The following STXBP5 variants were observed in gnomAD, a reference collection of about 807,000 sequenced individuals.
STXBP5 encodes the protein syntaxin binding protein 5.
Under a neutral mutation model 152.4 loss-of-function variants are expected in STXBP5, and 50 were observed. The observed-to-expected ratio is 0.33, with a 90% CI of 0.26 to 0.42. The LOEUF is 0.42. STXBP5 is among the 10% of genes least tolerant of loss of function. The pLI, the probability that STXBP5 is intolerant of heterozygous loss-of-function variation, is 1.00. For synonymous variants in STXBP5, 492 were observed against 494.7 expected, an observed-to-expected ratio of 0.99 and a Z score of 0.07; for missense variants, 1,167 against 1,388.6, an observed-to-expected ratio of 0.84 and a Z score of 2.54.
chr6:147,213,475 T>TGCGCGCGCGCGCGCGCGCGCGC (rs1361174338), intron 2 of STXBP5, among the ~76,000 whole-genome samples: 4 of 132,172 alleles, frequency 3.0e-5, no homozygotes, highest in Non-Finnish European at 4.9e-5. Flanking sequence ...TGTGTGTGTG[T>TGCGCGCGCGCGCGCGCGCGCGC]GTGCGCGCGC....
chr6:147,249,898 A>G (rs1779001982), intron 4 of STXBP5, among the ~76,000 whole-genome samples: 1 of 152,222 alleles, frequency 6.6e-6, no homozygotes, highest in South Asian at 2.1e-4. Flanking sequence ...AAAGTTTTTA[A>G]AAGTATCATC....
intron 26 of STXBP5, among the ~76,000 whole-genome samples, chr6:147,376,937 C>T (rs1785838635): frequency 6.6e-6 from 1 of 152,060 alleles, no homozygotes; most frequent in Non-Finnish European, 1.5e-5. Context: ...AATGAATCAG[C>T]TGGTATAACT....
chr6:147,223,734 A>C (rs1483353834), intron 2 of STXBP5, among the ~76,000 whole-genome samples: 1 of 152,194 alleles, frequency 6.6e-6, no homozygotes, highest in Non-Finnish European at 1.5e-5. Flanking sequence ...TGACATCTGT[A>C]ATTTTTTGTT....
At chr6:147,304,601 AT>A (rs1263091741) in intron 9 of STXBP5, among the ~76,000 whole-genome samples, 1 of 152,054 alleles carries the variant, frequency 6.6e-6, no homozygotes, top group Non-Finnish European at 1.5e-5. Flanking sequence ...AGAATGGTAG[AT>A]CCACTGACAG....
intron 26 of STXBP5, among the ~76,000 whole-genome samples, chr6:147,374,137 TTTTC>T (rs1785697648): frequency 6.6e-6 from 1 of 152,220 alleles, no homozygotes; most frequent in Non-Finnish European, 1.5e-5. Flanking sequence ...AATGCTATGA[TTTTC>T]TTTAACTGAT....
intron 2 of STXBP5, among the ~76,000 whole-genome samples, chr6:147,224,534 G>C (rs1219570680): frequency 6.6e-6 from 1 of 152,202 alleles, no homozygotes; most frequent in East Asian, 1.9e-4. Flanking sequence ...GAATGCAAAT[G>C]ACGTTTCACA....
At chr6:147,235,439 A>T (rs1313105136) in intron 3 of STXBP5, 108 bp downstream of exon 3, 2 of 817,856 alleles carry the variant, frequency 2.4e-6, no homozygotes, top group Non-Finnish European at 3.9e-6. Context: ...TTGAACAAAA[A>T]TTAATTTATA....
At chr6:147,376,817 A>G (rs1004670907) in intron 26 of STXBP5, among the ~76,000 whole-genome samples, 20 of 152,256 alleles carry the variant, frequency 1.3e-4, no homozygotes, top group African/African-American at 4.3e-4. Context: ...GTCTCTAAAA[A>G]TACATTAATT....
In STXBP5 at chr6:147,273,195, T is replaced by TAAAAAA. The variant is rs61153710; in HGVS notation, c.715-4878_715-4873dup. ...TAGCAAGACCCTGCCTCTAAAAAAG[T>TAAAAAA]AAAAAAAAAAAAATTAGCTAGGCCT... On this transcript the variant is annotated intron_variant, in intron 7 of 27. Coordinates refer to ENST00000321680, the MANE Select transcript of STXBP5 (RefSeq NM_001127715.4). Among the ~76,000 whole-genome samples the TAAAAAA allele has an allele frequency of 5.4e-5, 7 of 129,318 alleles. 1 individual carries two copies. The highest frequency in any genetic ancestry group is 2.1e-4 in the African/African-American group (7 of 33,586). 84.8% of individuals were successfully genotyped at this position (129,318 alleles called of 152,430 possible). A position where few individuals can be genotyped will look rare whatever the true frequency, so the allele number is the denominator to read the frequency against.
At position 147,315,518 on chromosome 6, in the gene STXBP5, C is replaced by T; in HGVS notation, c.1406C>T (p.Thr469Ile). ...ACATATATTATCTTTTTTCCAGTAA[C>T]TCTACAAGTATTATATAAGCTAAAG... Reference protein sequence around the residue: ...SVKFWDASAITLQVLYKLKTS... With the variant: ...SVKFWDASAIILQVLYKLKTS... Residue 469 changes from threonine to isoleucine, a missense_variant, in exon 15 of 28, where the codon ACT becomes ATT. Transcript: ENST00000321680. 1 of 1,592,722 alleles carries T rather than the reference C, an allele frequency of 6.3e-7. No individual in the cohort carries two copies.
chr6:147,347,071 C>A (rs967329487), intron 21 of STXBP5, among the ~76,000 whole-genome samples: 1 of 152,144 alleles, frequency 6.6e-6, no homozygotes, highest in Admixed American at 6.5e-5. Flanking sequence ...AGAGGAGGAA[C>A]TGCTCCAAGA....
At chr6:147,247,649 C>G (rs2115259288) in intron 4 of STXBP5, among the ~76,000 whole-genome samples, 1 of 152,224 alleles carries the variant, frequency 6.6e-6, no homozygotes, top group East Asian at 1.9e-4. Context: ...ATACCTCTAC[C>G]CTTTTCCTTG....
chr6:147,207,746 A>G (rs538069643), intron 2 of STXBP5, among the ~76,000 whole-genome samples: 36 of 152,010 alleles, frequency 2.4e-4, no homozygotes, highest in African/African-American at 8.2e-4. Flanking sequence ...TAAATCAGCT[A>G]TTTTTCCCTT....
At chr6:147,331,945 G>T (rs1015246360) in intron 18 of STXBP5, among the ~76,000 whole-genome samples, 2 of 151,974 alleles carry the variant, frequency 1.3e-5, no homozygotes, top group Non-Finnish European at 2.9e-5. Context: ...TGTAAAATGA[G>T]AATAATACTA....
At chr6:147,307,533 A>G (rs990318729) in intron 9 of STXBP5, among the ~76,000 whole-genome samples, 2 of 152,030 alleles carry the variant, frequency 1.3e-5, no homozygotes, top group East Asian at 3.9e-4. Flanking sequence ...TTATTTTATC[A>G]TTGTATTTAT....
Position 147,206,077 on chromosome 6 carries a change from T to TA in STXBP5, c.248+9_248+10insA, listed in dbSNP as rs766077745. ...ACTGGTGCTTTAAGGCTGTATCCTT[T>TA]CTTTAATTTTATTTTTTAACTTCTA... On this transcript the variant is annotated intron_variant, in intron 2 of 27. Coordinates refer to ENST00000321680, the MANE Select transcript of STXBP5 (RefSeq NM_001127715.4). 6.2e-7 allele frequency: 1 copy of TA among 1,608,448 alleles called. No homozygotes were observed. Among genetic ancestry groups the TA allele is most frequent in the South Asian group, 1.1e-5 (1 of 90,816 alleles).
intron 9 of STXBP5, among the ~76,000 whole-genome samples, chr6:147,302,333 A>G (rs1249700466): frequency 6.6e-6 from 1 of 152,170 alleles, no homozygotes; most frequent in Non-Finnish European, 1.5e-5. Flanking sequence ...GCACACACCT[A>G]CAAAAAGAAA....
intron 9 of STXBP5, among the ~76,000 whole-genome samples, chr6:147,301,103 T>C (rs1424736674): frequency 2.6e-5 from 4 of 151,958 alleles, no homozygotes; most frequent in East Asian, 1.9e-4. Flanking sequence ...CAATAAGATA[T>C]CACCTCACTC....
At chr6:147,307,960 C>T (rs1243191059) in intron 9 of STXBP5, among the ~76,000 whole-genome samples, 1 of 152,088 alleles carries the variant, frequency 6.6e-6, no homozygotes, top group East Asian at 1.9e-4. Flanking sequence ...ACATTTTATT[C>T]TGTAATGTAC....
Sources: gnomAD v4.1 joint callset for allele counts (sites outside exome capture counted in the v4.1 genomes callset) on GRCh38, gnomAD v4.1.1 for gene constraint, MANE v1.5 for transcripts, NCBI Gene and HGNC (gene_info 2026-07-23, HGNC 2026-07-21) for gene names.